RPS6KA2: variants seen among roughly 807,000 people sequenced by gnomAD.
RPS6KA2 encodes ribosomal protein S6 kinase alpha-2.
RPS6KA2 carries 42 observed loss-of-function variants against 91.8 expected under a neutral mutation model. That is an observed-to-expected ratio of 0.46 (90% CI 0.36 to 0.59). The LOEUF (loss-of-function observed/expected upper bound fraction) is 0.59, where lower values mean the gene tolerates loss of function less well. Among genes scored for constraint, RPS6KA2 ranks in the 20% least tolerant of loss-of-function variants. The probability of loss-of-function intolerance (pLI) is 0.00; values close to 1 mark genes in which losing one functional copy is unlikely to be tolerated. For synonymous variants in RPS6KA2, 414 were observed against 393.6 expected (o/e 1.05, Z -0.61); for missense variants, 798 against 978.5 (o/e 0.82, Z 2.46).
At chr6:166,680,257 A>G (rs1371005016) in intron 2 of RPS6KA2, among the ~76,000 whole-genome samples, 1 of 152,236 alleles carries the variant, frequency 6.6e-6, no homozygotes, top group Non-Finnish European at 1.5e-5. Flanking sequence ...GTCTAGCTAA[A>G]GGTTCGTAAA....
At chr6:166,714,202 T>C (rs1789948599) in intron 2 of RPS6KA2, among the ~76,000 whole-genome samples, 1 of 152,194 alleles carries the variant, frequency 6.6e-6, no homozygotes, top group Non-Finnish European at 1.5e-5. Context: ...AGGCCAGTGT[T>C]CTTTCTGTGC....
At chr6:166,844,210 G>A (rs569540480) in intron 2 of RPS6KA2, among the ~76,000 whole-genome samples, 1 of 152,128 alleles carries the variant, frequency 6.6e-6, no homozygotes, top group South Asian at 2.1e-4. Context: ...TTAACCCAAT[G>A]CATCAAAGAC....
chr6:166,648,764 C>T lies in RPS6KA2; in HGVS notation c.124-109980G>A, dbSNP rs1296649737. On this transcript the variant is annotated intron_variant, in intron 2 of 21. Transcript: ENST00000503859. This position sits in a 1 kb window ranked among gnomAD's most constrained non-coding sequence, Gnocchi z 4.8. ...GGCGTCTGCATCTCGTCCTGAGGTC[C>T]TGAACTTTGGGATGGCACCGACCAT... 6.6e-6 allele frequency among the ~76,000 whole-genome samples: 1 copy of T among 152,160 alleles called. No individual in the cohort carries two copies. The highest frequency in any genetic ancestry group is 1.9e-4 in the East Asian group (1 of 5,192).
intron 2 of RPS6KA2, among the ~76,000 whole-genome samples, chr6:166,777,876 TAA>T (rs1562433762): frequency 6.6e-6 from 1 of 152,048 alleles, no homozygotes; most frequent in Non-Finnish European, 1.5e-5. Flanking sequence ...TTATAAGCTA[TAA>T]AAGAGACATC....
chr6:166,725,770 T>A (rs1790319365), intron 2 of RPS6KA2, among the ~76,000 whole-genome samples: 1 of 152,176 alleles, frequency 6.6e-6, no homozygotes, highest in African/African-American at 2.4e-5. Flanking sequence ...AGCGTGGACG[T>A]TCCCGACCTG....
chr6:166,538,540 C>G, intron 2 of RPS6KA2, 128 bp downstream of exon 2: 1 of 584,648 alleles, frequency 1.7e-6, no homozygotes, highest in Non-Finnish European at 3.2e-6. Context: ...CGGTTCTGAA[C>G]TGTCCAGGTT....
At chr6:166,799,296 T>A (rs909354779) in intron 2 of RPS6KA2, among the ~76,000 whole-genome samples, 20 of 152,242 alleles carry the variant, frequency 1.3e-4, no homozygotes, top group Non-Finnish European at 2.5e-4. Context: ...GTCAATTTTT[T>A]AAAAACTATT....
At position 166,626,143 on chromosome 6, in the gene RPS6KA2, A is replaced by G. The variant is rs1251022535; in HGVS notation, c.99+778T>C. On this transcript the variant is annotated intron_variant, in intron 1 of 20. Transcript: ENST00000265678. This position sits in a 1 kb window ranked among gnomAD's most constrained non-coding sequence, Gnocchi z 4.1. ...AACACGTTTCACTGTTTTGTCATCT[A>G]TAGATTCAACAATGTGATTTGGACA... 6.6e-6 allele frequency among the ~76,000 whole-genome samples: 1 copy of G among 152,188 alleles called. No homozygotes were observed. The highest frequency in any genetic ancestry group is 1.5e-5 in the Non-Finnish European group (1 of 68,032).
At chr6:166,730,914 A>G (rs1194177336) in intron 2 of RPS6KA2, among the ~76,000 whole-genome samples, 2 of 152,196 alleles carry the variant, frequency 1.3e-5, no homozygotes, top group Non-Finnish European at 2.9e-5. Flanking sequence ...GAAAGGCAAC[A>G]TTAGAAAAAA....
intron 2 of RPS6KA2, among the ~76,000 whole-genome samples, chr6:166,802,401 G>A (rs1433676608): frequency 2.6e-5 from 4 of 151,984 alleles, no homozygotes; most frequent in Admixed American, 2.6e-4. Flanking sequence ...TAGAAAAATA[G>A]ACTACACAAA....
chr6:166,771,305 T>C (rs998029972), intron 2 of RPS6KA2, among the ~76,000 whole-genome samples: 2 of 152,246 alleles, frequency 1.3e-5, no homozygotes, highest in South Asian at 2.1e-4. Flanking sequence ...CTCTAGTCTA[T>C]GGAAGAGGCT....
In RPS6KA2 at chr6:166,614,818, C is replaced by T. The variant is rs565566691; in HGVS notation, c.99+12103G>A. On this transcript the variant is annotated intron_variant, in intron 1 of 20. Transcript: ENST00000265678. The stretch of plus-strand genomic sequence containing the variant: ...TTTCCCGCTTCTGCAATCAGACCTC[C>T]TCTGCCTCCTCTCACGAGGACTCTT... Among the ~76,000 whole-genome samples the T allele has an allele frequency of 3.9e-5, 6 of 152,312 alleles. No homozygotes were observed. The East Asian group carries it at 1.2e-3, about 29-fold the overall frequency.
At position 166,419,417 on chromosome 6, in the gene RPS6KA2, G is replaced by A. The variant is rs1778647716; in HGVS notation, c.1820+465C>T. 6.6e-6 allele frequency among the ~76,000 whole-genome samples: 1 copy of A among 152,186 alleles called. No homozygotes were observed. The highest frequency in any genetic ancestry group is 2.4e-5 in the African/African-American group (1 of 41,458). On this transcript the variant is annotated intron_variant, in intron 18 of 20. Transcript: ENST00000265678. This position sits in a 1 kb window ranked among gnomAD's most constrained non-coding sequence, Gnocchi z 5.6. ...ATGGAAGTCAGCTGTCTGGATGGCA[G>A]GCCCAGGCCACTTTCTGTAACACCA...
chr6:166,458,421 G>A lies in RPS6KA2; in HGVS notation c.1075+1028C>T, dbSNP rs1487191839. On this transcript the variant is annotated intron_variant, in intron 12 of 20. Coordinates refer to ENST00000265678, the MANE Select transcript of RPS6KA2 (RefSeq NM_021135.6). ...ACTTGCCTTCTGCCACGATTGTGAG[G>A]CTTCCTCAGCCATGTGGAACTGTAA... Among the ~76,000 whole-genome samples, 7 of 152,190 alleles carry A rather than the reference G, an allele frequency of 4.6e-5. No homozygotes were observed. In the East Asian group the frequency reaches 1.3e-3, roughly 29 times the overall value.
chr6:166,564,203 AG>A lies in RPS6KA2; in HGVS notation c.100-25420del, dbSNP rs536062086. 1.1e-4 allele frequency among the ~76,000 whole-genome samples: 17 copies of A among 152,346 alleles called. No homozygotes were observed. The South Asian group carries it at 3.5e-3, about 32-fold the overall frequency. On this transcript the variant is annotated intron_variant, in intron 1 of 20. Coordinates refer to ENST00000265678, the MANE Select transcript of RPS6KA2 (RefSeq NM_021135.6). ...AGTTTTCATAGTTCTTTCCTCCTCCAGGTGTCTTCACTCCAAGCTTGTCACC... is the reference window on the plus strand; with the variant it reads ...AGTTTTCATAGTTCTTTCCTCCTCCAGTGTCTTCACTCCAAGCTTGTCACC...
chr6:166,749,881 C>T (rs1791222461), intron 2 of RPS6KA2, among the ~76,000 whole-genome samples: 1 of 150,914 alleles, frequency 6.6e-6, no homozygotes, highest in Admixed American at 6.6e-5. Flanking sequence ...AGCTTCCTTC[C>T]CCCTTTCCAC....
Position 166,533,688 on chromosome 6 carries a change from C to A in RPS6KA2, c.217-2375G>T, listed in dbSNP as rs961512648. Among the ~76,000 whole-genome samples, 1 of 152,256 alleles carries A rather than the reference C, an allele frequency of 6.6e-6. No individual in the cohort carries two copies. Among genetic ancestry groups the A allele is most frequent in the Non-Finnish European group, 1.5e-5 (1 of 68,048 alleles). Reference sequence around the variant, plus strand: ...GGAGGATGGAAGCCTTGGGTGGTTGCTCCAGCCCATGGTGGACTTTGGTAG... The same window carrying A: ...GGAGGATGGAAGCCTTGGGTGGTTGATCCAGCCCATGGTGGACTTTGGTAG... On this transcript the variant is annotated intron_variant, in intron 2 of 20. Transcript: ENST00000265678. This position sits in a 1 kb window ranked among gnomAD's most constrained non-coding sequence, Gnocchi z 4.0.
At chr6:166,808,140 G>T (rs958543560) in intron 2 of RPS6KA2, among the ~76,000 whole-genome samples, 1 of 152,208 alleles carries the variant, frequency 6.6e-6, no homozygotes, top group African/African-American at 2.4e-5. Flanking sequence ...GCTCCCCGTG[G>T]TGCTCCCTGG....
chr6:166,755,534 C>G (rs1777985902), intron 2 of RPS6KA2, among the ~76,000 whole-genome samples: 1 of 152,082 alleles, frequency 6.6e-6, no homozygotes, highest in Non-Finnish European at 1.5e-5. Flanking sequence ...CTGCTGCGCT[C>G]CACTCCTTGA....
Sources: allele counts gnomAD v4.1 joint callset (sites outside exome capture counted in the v4.1 genomes callset), GRCh38; gene constraint gnomAD v4.1.1; non-coding constraint Gnocchi (gnomAD v3.1); transcripts MANE v1.5; gene names NCBI Gene and HGNC (gene_info 2026-07-23, HGNC 2026-07-21).